Variants in RSPO1 observed in about 807,000 individuals in gnomAD.
RSPO1 encodes R-spondin-1.
Under a neutral mutation model 26.0 loss-of-function variants are expected in RSPO1, and 18 were observed. The observed-to-expected ratio is 0.69, with a 90% CI of 0.48 to 1.03. RSPO1 has a LOEUF of 1.03. Ranked by LOEUF, RSPO1 falls within the 50% of genes least tolerant of loss-of-function variation. The probability of loss-of-function intolerance (pLI) is 0.00; values close to 1 mark genes in which losing one functional copy is unlikely to be tolerated. For missense variants in RSPO1, 309 were observed against 352.3 expected (o/e 0.88, Z 0.98); for synonymous variants, 133 against 137.4 (o/e 0.97, Z 0.22).
chr1:37,629,598 G>A lies in RSPO1; in HGVS notation c.64C>T (p.Arg22Trp), dbSNP rs192333670. Reference sequence around the variant, plus strand: ...CTCTGCCTTTTCCCCTTGATCCCCCGGCTGCTGATGGTGAGGTGCGTCCAG... The same window carrying A: ...CTCTGCCTTTTCCCCTTGATCCCCCAGCTGCTGATGGTGAGGTGCGTCCAG... ...LSWTHLTISS[R>W]GIKGKRQRRI... The change falls in exon 3 of 7, where the codon CGG becomes TGG. Residue 22 changes from arginine to tryptophan, a missense_variant. Arg to Trp is a moderately radical substitution (Grantham distance 101). Coordinates refer to ENST00000356545, the MANE Select transcript of RSPO1 (RefSeq NM_001242908.2). The A allele has an allele frequency of 1.1e-5, 17 of 1,613,910 alleles. No individual in the cohort carries two copies. In the African/African-American group the frequency reaches 1.1e-4, roughly 10 times the overall value.
rs374906144 is a variant in RSPO1, at chr1:37,613,824, G to A, written c.505C>T (p.Arg169Trp). Residue 169 changes from arginine (R) to tryptophan (W), a missense_variant, in exon 6 of 7, where the codon CGG becomes TGG. By Grantham distance (101) the Arg-to-Trp change is moderately radical. Coordinates refer to ENST00000356545, the MANE Select transcript of RSPO1 (RefSeq NM_001242908.2). This position sits in a 1 kb window ranked among gnomAD's most constrained non-coding sequence, Gnocchi z 4.5. Reference sequence around the variant, plus strand: ...CGTGTCCGCTCCTCGGAGCCCCTCCGGAAACCACAGAGCTGCTGCTTCTTG... The same window carrying A: ...CGTGTCCGCTCCTCGGAGCCCCTCCAGAAACCACAGAGCTGCTGCTTCTTG... ...CSKKQQLCGF[R>W]RGSEERTRRV... The A allele has an allele frequency of 1.3e-5, 21 of 1,614,046 alleles. No homozygotes were observed. The highest frequency in any genetic ancestry group is 8.9e-5 in the East Asian group (4 of 44,890).
chr1:37,629,572 C>T lies in RSPO1; in HGVS notation c.90G>A (p.Arg30=). Residue 30 remains arginine (R), a synonymous_variant, in exon 3 of 7, where the codon AGG becomes AGA. Coordinates refer to ENST00000356545, the MANE Select transcript of RSPO1 (RefSeq NM_001242908.2). ...CCACCATGCTCCATTACTCACTCCG[C>T]CTCTGCCTTTTCCCCTTGATCCCCC... is the stretch of plus-strand genomic sequence containing the variant. ...SSRGIKGKRQ[R]RISAEGSQAC... is the part of the protein sequence containing the mutation. 1 of 1,614,116 alleles carries T rather than the reference C, an allele frequency of 6.2e-7. No individual in the cohort carries two copies. Among genetic ancestry groups the T allele is most frequent in the South Asian group, 1.1e-5 (1 of 91,082 alleles).
At chr1:37,620,361 A>G (rs1644181717) in intron 3 of RSPO1, among the ~76,000 whole-genome samples, 1 of 152,140 alleles carries the variant, frequency 6.6e-6, no homozygotes, top group Non-Finnish European at 1.5e-5. Flanking sequence ...ACAAAAAATA[A>G]TAATAGACTG....
At position 37,613,762 on chromosome 1, in the gene RSPO1, G is replaced by A; in HGVS notation, c.567C>T (p.Ala189=). 4 of 1,614,016 alleles carry A rather than the reference G, an allele frequency of 2.5e-6. No individual in the cohort carries two copies. Among genetic ancestry groups the A allele is most frequent in the South Asian group, 1.1e-5 (1 of 91,086 alleles). The change falls in exon 6 of 7, where the codon GCC becomes GCT. Residue 189 remains alanine (A), a synonymous_variant. Transcript: ENST00000356545. The surrounding 1 kb of genome is among the most constrained non-coding windows in gnomAD (Gnocchi z 4.5). ...VLHAPVGDHA[A]CSDTKETRRC... is the part of the protein sequence containing the mutation. Reference sequence around the variant, plus strand: ...TCCGGGTCTCCTTGGTGTCAGAGCAGGCAGCATGGTCCCCCACAGGGGCAT... The same window carrying A: ...TCCGGGTCTCCTTGGTGTCAGAGCAAGCAGCATGGTCCCCCACAGGGGCAT...
intron 5 of RSPO1, 84 bp downstream of exon 5, chr1:37,614,100 C>T: frequency 6.6e-7 from 1 of 1,510,630 alleles, no homozygotes; most frequent in African/African-American, 1.4e-5. Flanking sequence ...GTGCCCCAGC[C>T]CACCCGCTCT....
chr1:37,630,403 C>T (rs1284242566), intron 2 of RSPO1, among the ~76,000 whole-genome samples: 11 of 152,224 alleles, frequency 7.2e-5, no homozygotes. Flanking sequence ...ATGTGCCTTT[C>T]ACCTGTCCTG....
chr1:37,630,192 C>T (rs1475969777), intron 2 of RSPO1, among the ~76,000 whole-genome samples: 1 of 152,218 alleles, frequency 6.6e-6, no homozygotes, highest in African/African-American at 2.4e-5. Flanking sequence ...TTGTGGATCA[C>T]TGATGATTTC....
chr1:37,633,272 C>A (rs1231890490), intron 1 of RSPO1, among the ~76,000 whole-genome samples: 1 of 152,208 alleles, frequency 6.6e-6, no homozygotes, highest in Non-Finnish European at 1.5e-5. Context: ...GCGGGGCAAC[C>A]CGCTGGGAGC....
At chr1:37,633,246 A>C (rs1005841092) in intron 1 of RSPO1, among the ~76,000 whole-genome samples, 2 of 152,218 alleles carry the variant, frequency 1.3e-5, no homozygotes, top group Non-Finnish European at 2.9e-5. Flanking sequence ...GCTACCCAGG[A>C]CTGGGTGTGG....
intron 2 of RSPO1, among the ~76,000 whole-genome samples, chr1:37,631,136 C>T (rs1032754112): frequency 2.6e-5 from 4 of 152,130 alleles, no homozygotes; most frequent in Admixed American, 6.5e-5. Flanking sequence ...TCCACCCCCT[C>T]GCCTGTCAGG....
At chr1:37,627,213 G>A (rs372067265) in intron 3 of RSPO1, among the ~76,000 whole-genome samples, 4 of 151,972 alleles carry the variant, frequency 2.6e-5, no homozygotes, top group East Asian at 3.9e-4. Flanking sequence ...CCCCTGCCCC[G>A]AGGTCCACCC....
intron 3 of RSPO1, among the ~76,000 whole-genome samples, chr1:37,621,779 TTTTTC>T (rs1644206941): frequency 6.6e-6 from 1 of 151,738 alleles, no homozygotes; most frequent in Non-Finnish European, 1.5e-5. Context: ...TCTTTTTTCT[TTTTTC>T]TTTTTTTTCT....
chr1:37,616,702 GGC>G, intron 3 of RSPO1, 27 bp from the exon 4 acceptor site: 1 of 1,609,028 alleles, frequency 6.2e-7, no homozygotes, highest in Non-Finnish European at 8.5e-7. Flanking sequence ...GGCATGAGAA[GGC>G]GGCTGTGGAG....
In RSPO1 at chr1:37,614,212, G is replaced by A; in HGVS notation, c.408C>T (p.Ala136=). 6.2e-7 allele frequency: 1 copy of A among 1,613,266 alleles called. No individual in the cohort carries two copies. Among genetic ancestry groups the A allele is most frequent in the African/African-American group, 1.3e-5 (1 of 75,036 alleles). ...YPACPEGSSA[A]NGTMECSSPA... ...GACTACTGCACTCCATGGTGCCATT[G>A]GCAGCTGAGGAGCCCTCGGGACAAG... The change falls in exon 5 of 7, where the codon GCC becomes GCT. Residue 136 remains alanine (A), a synonymous_variant. Coordinates refer to ENST00000356545, the MANE Select transcript of RSPO1 (RefSeq NM_001242908.2).
At chr1:37,626,112 C>T (rs1394241485) in intron 3 of RSPO1, among the ~76,000 whole-genome samples, 1 of 152,160 alleles carries the variant, frequency 6.6e-6, no homozygotes, top group Admixed American at 6.5e-5. Context: ...TTGATGAAAG[C>T]CTCAGTAGCT....
At chr1:37,618,466 G>A (rs1375767032) in intron 3 of RSPO1, among the ~76,000 whole-genome samples, 1 of 152,196 alleles carries the variant, frequency 6.6e-6, no homozygotes, top group Non-Finnish European at 1.5e-5. Flanking sequence ...ATTAAGCAGG[G>A]ATGAGACCTG....
chr1:37,624,252 C>T (rs922039823), intron 3 of RSPO1, among the ~76,000 whole-genome samples: 1 of 152,134 alleles, frequency 6.6e-6, no homozygotes, highest in African/African-American at 2.4e-5. Context: ...GAGATCAAGA[C>T]CCTCTCTCTA....
intron 3 of RSPO1, 92 bp downstream of exon 3, chr1:37,629,476 T>C (rs889514170): frequency 2.1e-6 from 2 of 968,952 alleles, no homozygotes; most frequent in South Asian, 2.6e-5. Context: ...GCAAGGGTCA[T>C]CATGGAATAA....
Position 37,612,545 on chromosome 1 carries a change from CTGCGTG to C in RSPO1, c.*204_*209del. On this transcript the variant is annotated 3_prime_UTR_variant, in exon 7 of 7. Coordinates refer to ENST00000356545, the MANE Select transcript of RSPO1 (RefSeq NM_001242908.2). ...GTATGTGTGTGTGTGGTGTCTGTGTCTGCGTGTGTACATGAACACACATGTGCAAGT... is the reference window on the plus strand; with the variant it reads ...GTATGTGTGTGTGTGGTGTCTGTGTCTGTACATGAACACACATGTGCAAGT... The C allele has an allele frequency of 1.6e-6, 1 of 623,614 alleles. No individual in the cohort carries two copies. The highest frequency in any genetic ancestry group is 4.2e-4 in the Middle Eastern group (1 of 2,360). The allele number at this position is 623,614 out of a possible 1,614,324, so 38.6% of individuals were successfully genotyped here.
Sources: gnomAD v4.1 joint callset for allele counts (sites outside exome capture counted in the v4.1 genomes callset) on GRCh38, gnomAD v4.1.1 for gene constraint, Gnocchi (gnomAD v3.1) non-coding constraint, MANE v1.5 for transcripts, NCBI Gene and HGNC (gene_info 2026-07-23, HGNC 2026-07-21) for gene names.